SMYD3: variants seen among roughly 807,000 people sequenced by gnomAD.
SMYD3 encodes histone-lysine N-methyltransferase SMYD3.
Under a neutral mutation model 57.7 loss-of-function variants are expected in SMYD3, and 36 were observed. That is an observed-to-expected ratio of 0.62 (90% CI 0.48 to 0.82). SMYD3 has a LOEUF of 0.82. Ranked by LOEUF, SMYD3 falls within the 40% of genes least tolerant of loss-of-function variation. SMYD3 has a pLI of 0.00. For synonymous variants in SMYD3, 211 were observed against 195.0 expected, an observed-to-expected ratio of 1.08 and a Z score of -0.68; for missense variants, 515 against 538.8, an observed-to-expected ratio of 0.96 and a Z score of 0.44.
chr1:245,946,235 G>A (rs1375748455), intron 5 of SMYD3, among the ~76,000 whole-genome samples: 1 of 152,148 alleles, frequency 6.6e-6, no homozygotes, highest in Non-Finnish European at 1.5e-5. Flanking sequence ...GAATACAAGT[G>A]ACAAAGAATC....
At chr1:246,053,217 AG>A (rs1183177150) in intron 5 of SMYD3, 1 of 152,194 alleles carries the variant, frequency 6.6e-6, no homozygotes, top group Non-Finnish European at 1.5e-5. Flanking sequence ...TTTTAAAAAA[AG>A]GGACATACCA....
chr1:246,290,110 C>G (rs1024793792), intron 5 of SMYD3, among the ~76,000 whole-genome samples: 2 of 152,188 alleles, frequency 1.3e-5, no homozygotes, highest in African/African-American at 4.8e-5. Flanking sequence ...AACAGCAACA[C>G]AGCAAAATAA....
At chr1:246,173,485 C>G (rs1479850572) in intron 5 of SMYD3, among the ~76,000 whole-genome samples, 1 of 152,186 alleles carries the variant, frequency 6.6e-6, no homozygotes, top group Non-Finnish European at 1.5e-5. Context: ...TGTAATAATA[C>G]TTACCTTAAA....
chr1:245,808,304 G>C (rs144810913), intron 10 of SMYD3, among the ~76,000 whole-genome samples: 1 of 152,054 alleles, frequency 6.6e-6, no homozygotes, highest in Admixed American at 6.6e-5. Context: ...CCCCACCTAC[G>C]TAACACACAT....
intron 5 of SMYD3, among the ~76,000 whole-genome samples, chr1:246,192,584 C>G (rs943289092): frequency 6.6e-6 from 1 of 152,024 alleles, no homozygotes; most frequent in South Asian, 2.1e-4. Flanking sequence ...AGCCAAGATT[C>G]GCAGTTAATG....
intron 10 of SMYD3, among the ~76,000 whole-genome samples, chr1:245,845,823 A>G (rs1056630581): frequency 5.9e-5 from 9 of 152,110 alleles, no homozygotes; most frequent in African/African-American, 1.9e-4. Flanking sequence ...TGTTTATTAG[A>G]CTATTTCTGA....
At chr1:245,763,295 G>A (rs753579231) in intron 11 of SMYD3, among the ~76,000 whole-genome samples, 82 of 152,244 alleles carry the variant, frequency 5.4e-4, no homozygotes, top group Non-Finnish European at 1.0e-3. Context: ...TAACCACGAA[G>A]CCCTCACACT....
rs369748953 is a variant in SMYD3, at chr1:246,079,150, C to T, written c.532-149213G>A. On this transcript the variant is annotated intron_variant, in intron 5 of 11. Coordinates refer to ENST00000490107, the MANE Select transcript of SMYD3 (RefSeq NM_001167740.2). ...CTTTTGTCTTAGGTGTGCCAGAGTA[C>T]ACCACGCATTTTGGAACTAGATGGC... Among the ~76,000 whole-genome samples, 9 of 152,136 alleles carry T rather than the reference C, an allele frequency of 5.9e-5. No homozygotes were observed. The East Asian group carries it at 1.5e-3, about 26-fold the overall frequency.
chr1:246,274,550 C>G (rs986306772), intron 5 of SMYD3, among the ~76,000 whole-genome samples: 1 of 152,276 alleles, frequency 6.6e-6, no homozygotes, highest in Non-Finnish European at 1.5e-5. Context: ...TTATATATAA[C>G]TACAACATAG....
intron 11 of SMYD3, among the ~76,000 whole-genome samples, chr1:245,754,977 T>C (rs1300152612): frequency 6.6e-6 from 1 of 152,208 alleles, no homozygotes; most frequent in East Asian, 1.9e-4. Flanking sequence ...TGAGCTCAGG[T>C]CTGTGCTTTC....
intron 8 of SMYD3, among the ~76,000 whole-genome samples, chr1:245,890,525 C>T (rs2053323880): frequency 6.6e-6 from 1 of 152,140 alleles, no homozygotes; most frequent in Admixed American, 6.5e-5. Flanking sequence ...AATGAGATAT[C>T]ATCTCACCAC....
intron 5 of SMYD3, among the ~76,000 whole-genome samples, chr1:246,084,075 G>A (rs1162400660): frequency 2.0e-5 from 3 of 151,484 alleles, no homozygotes; most frequent in Non-Finnish European, 4.4e-5. Context: ...GGACTGCTAA[G>A]TAACATATTA....
chr1:246,416,456 A>G (rs911508720), intron 1 of SMYD3, among the ~76,000 whole-genome samples: 10 of 152,106 alleles, frequency 6.6e-5, no homozygotes, highest in African/African-American at 2.2e-4. Context: ...AGATCACATG[A>G]AAAATGAACC....
rs147981601 is a variant in SMYD3, at chr1:246,016,353, C to G, written c.532-86416G>C. On this transcript the variant is annotated intron_variant, in intron 5 of 11. Transcript: ENST00000490107. ...ATCCCAACATTTTGGGAGGCCGAGGCAGGTGGATCACCTGAGGTCAGGAGT... is the reference window on the plus strand; with the variant it reads ...ATCCCAACATTTTGGGAGGCCGAGGGAGGTGGATCACCTGAGGTCAGGAGT... 1.9e-3 allele frequency among the ~76,000 whole-genome samples: 284 copies of G among 152,090 alleles called. 3 individuals are homozygous for G. The highest frequency in any genetic ancestry group is 6.3e-3 in the African/African-American group (262 of 41,500).
intron 1 of SMYD3, among the ~76,000 whole-genome samples, chr1:246,499,760 A>T (rs970457031): frequency 3.3e-5 from 5 of 152,100 alleles, no homozygotes; most frequent in African/African-American, 1.2e-4. Context: ...CCTGCCTTAA[A>T]TTTATGTTTA....
intron 11 of SMYD3, among the ~76,000 whole-genome samples, chr1:245,752,200 T>C (rs139656804): frequency 1.3e-5 from 2 of 152,202 alleles, no homozygotes; most frequent in Non-Finnish European, 2.9e-5. Context: ...GTGCTTGTGA[T>C]CTGGCAAAGG....
chr1:245,853,156 T>C (rs1399684571), intron 10 of SMYD3, among the ~76,000 whole-genome samples: 1 of 152,170 alleles, frequency 6.6e-6, no homozygotes, highest in Admixed American at 6.5e-5. Flanking sequence ...GGAAAGAATG[T>C]TGGATGAAGT....
intron 5 of SMYD3, among the ~76,000 whole-genome samples, chr1:246,293,708 C>A (rs1346906327): frequency 1.3e-5 from 2 of 152,148 alleles, no homozygotes; most frequent in Non-Finnish European, 2.9e-5. Flanking sequence ...CCCTTTTGCC[C>A]ACTTATCTTT....
At chr1:246,446,428 A>G (rs561361845) in intron 1 of SMYD3, among the ~76,000 whole-genome samples, 1 of 152,356 alleles carries the variant, frequency 6.6e-6, no homozygotes, top group South Asian at 2.1e-4. Context: ...AAGAATGTCA[A>G]AAATGAAACC....
Sources: allele counts gnomAD v4.1 joint callset (sites outside exome capture counted in the v4.1 genomes callset), GRCh38; gene constraint gnomAD v4.1.1; transcripts MANE v1.5; gene names NCBI Gene and HGNC (gene_info 2026-07-23, HGNC 2026-07-21).